Variants in POLA2 observed in about 807,000 individuals in gnomAD.
The protein encoded by POLA2 is DNA polymerase alpha subunit B.
Under a neutral mutation model 82.8 loss-of-function variants are expected in POLA2, and 47 were observed. The observed-to-expected ratio is 0.57, with a 90% confidence interval of 0.45 to 0.72. The LOEUF is 0.72. Ranked by LOEUF, POLA2 falls within the 30% of genes least tolerant of loss-of-function variation. The pLI, the probability that POLA2 is intolerant of heterozygous loss-of-function variation, is 0.00. For synonymous variants in POLA2, 287 were observed against 286.8 expected (o/e 1.00, Z -0.01); for missense variants, 634 against 728.1 (o/e 0.87, Z 1.49).
chr11:65,286,185 G>T (rs866373522), intron 10 of POLA2, among the ~76,000 whole-genome samples: 1 of 152,172 alleles, frequency 6.6e-6, no homozygotes, highest in Non-Finnish European at 1.5e-5. Flanking sequence ...GAAGCCTAAA[G>T]AAAAATTTTA....
chr11:65,296,122 C>T, intron 17 of POLA2, 132 bp downstream of exon 17: 2 of 946,136 alleles, frequency 2.1e-6, no homozygotes, highest in East Asian at 2.5e-5. Flanking sequence ...GCCCTGTGGC[C>T]TTGTTTCTTT....
At chr11:65,299,296 G>C (rs1279431541), downstream of POLA2, among the ~76,000 whole-genome samples, 2 of 152,182 alleles carry the variant, frequency 1.3e-5, no homozygotes, top group Non-Finnish European at 2.9e-5. Flanking sequence ...AAATAGTCCC[G>C]AGCTCTTGCC....
chr11:65,263,158 A>C (rs1949418185), intron 1 of POLA2, among the ~76,000 whole-genome samples: 1 of 151,642 alleles, frequency 6.6e-6, no homozygotes, highest in Non-Finnish European at 1.5e-5. Context: ...ATTTATGGTG[A>C]GAAATTCCTT....
chr11:65,263,747 A>G (rs1298845602), intron 1 of POLA2, among the ~76,000 whole-genome samples: 1 of 151,906 alleles, frequency 6.6e-6, no homozygotes, highest in East Asian at 2.0e-4. Flanking sequence ...GAATCGCTTG[A>G]ACATGAGAGG....
chr11:65,291,238 C>T (rs192582650), intron 13 of POLA2, among the ~76,000 whole-genome samples: 4 of 152,192 alleles, frequency 2.6e-5, no homozygotes, highest in Admixed American at 1.3e-4. Flanking sequence ...CATTTAAAAA[C>T]GAGTCTGTCA....
intron 16 of POLA2, 61 bp from the exon 17 acceptor site, chr11:65,295,801 ACT>A: frequency 6.4e-7 from 1 of 1,570,504 alleles, no homozygotes; most frequent in Non-Finnish European, 8.7e-7. Context: ...ACCTAGGGGG[ACT>A]CTGTCTGAGA....
Position 65,295,881 on chromosome 11 carries a change from C to A in POLA2, c.1538C>A (p.Pro513Gln). The change falls in exon 17 of 18, where the codon CCG becomes CAG. Residue 513 changes from proline (P) to glutamine (Q), a missense_variant. By Grantham distance (76) the Pro-to-Gln change is moderately conservative (BLOSUM62 -1). Transcript: ENST00000265465. ...LTQRSYYPLY[P>Q]PQEDMAIDYE... Reference sequence around the variant, plus strand: ...CTCTGTAGCTACTACCCACTCTACCCGCCCCAAGAAGACATGGCCATTGAC... The same window carrying A: ...CTCTGTAGCTACTACCCACTCTACCAGCCCCAAGAAGACATGGCCATTGAC... The A allele has an allele frequency of 6.2e-7, 1 of 1,613,296 alleles. No homozygotes were observed. Among genetic ancestry groups the A allele is most frequent in the Non-Finnish European group, 8.5e-7 (1 of 1,179,314 alleles).
chr11:65,277,988 G>T (rs954168216), intron 5 of POLA2, among the ~76,000 whole-genome samples: 1 of 152,288 alleles, frequency 6.6e-6, no homozygotes, highest in African/African-American at 2.4e-5. Flanking sequence ...ACTGGTTCCC[G>T]CAGAGTTTCA....
In POLA2 at chr11:65,262,243, G is replaced by A. The variant is rs914752537; in HGVS notation, c.-50G>A. ...CGCCACCCCCGTGGGCTTCTTGGGC[G>A]CAGGTCGGAGCTGGGTGGGCCGGCT... On this transcript the variant is annotated 5_prime_UTR_variant, in exon 1 of 18. Coordinates refer to ENST00000265465, the MANE Select transcript of POLA2 (RefSeq NM_002689.4). 1 of 1,482,186 alleles carries A rather than the reference G, an allele frequency of 6.7e-7. No individual in the cohort carries two copies. Among genetic ancestry groups the A allele is most frequent in the Non-Finnish European group, 9.3e-7 (1 of 1,070,992 alleles). The allele number at this position is 1,482,186 out of a possible 1,614,324, so 91.8% of individuals were successfully genotyped here.
At chr11:65,286,411 T>C (rs568377466) in intron 10 of POLA2, among the ~76,000 whole-genome samples, 11 of 151,866 alleles carry the variant, frequency 7.2e-5, no homozygotes, top group Non-Finnish European at 1.3e-4. Flanking sequence ...CTTTTTTTTT[T>C]CTTTTTTTTT....
At chr11:65,288,517 T>TG (rs1443915503) in intron 11 of POLA2, among the ~76,000 whole-genome samples, 8 of 148,170 alleles carry the variant, frequency 5.4e-5, no homozygotes, top group East Asian at 2.0e-4. Flanking sequence ...TTTTTGTTTT[T>TG]TTTTTTTTTT....
downstream of POLA2, among the ~76,000 whole-genome samples, chr11:65,300,768 G>A (rs1398026770): frequency 1.3e-5 from 2 of 152,256 alleles, no homozygotes; most frequent in Non-Finnish European, 1.5e-5. Flanking sequence ...TTTTAGTAGA[G>A]ACAGGGTTTC....
intron 13 of POLA2, among the ~76,000 whole-genome samples, chr11:65,291,618 A>C (rs929668027): frequency 6.6e-6 from 1 of 152,226 alleles, no homozygotes; most frequent in Non-Finnish European, 1.5e-5. Context: ...TTCTTTTGTC[A>C]GCCCTTGGGG....
At position 65,297,544 on chromosome 11, in the gene POLA2, C is replaced by T. The variant is rs189780475; in HGVS notation, c.*275C>T. The stretch of plus-strand genomic sequence containing the variant: ...GTGGATCCCGCCCACTCAGAAAAGG[C>T]GAGAAGGCTTTGTGATTTTCTACAT... On this transcript the variant is annotated 3_prime_UTR_variant, in exon 18 of 18. Coordinates refer to ENST00000265465, the MANE Select transcript of POLA2 (RefSeq NM_002689.4). 1.0e-3 allele frequency: 325 copies of T among 318,110 alleles called. 1 individual carries two copies. The highest frequency in any genetic ancestry group is 1.5e-3 in the Non-Finnish European group (266 of 174,980). The allele number at this position is 318,110 out of a possible 1,614,324, so 19.7% of individuals were successfully genotyped here.
intron 15 of POLA2, 39 bp downstream of exon 15, chr11:65,294,691 C>A: frequency 7.3e-7 from 1 of 1,372,192 alleles, no homozygotes; most frequent in Non-Finnish European, 1.0e-6. Flanking sequence ...GGATGACTGG[C>A]TTTCTGGTCC....
At chr11:65,262,413 C>G (rs779623216) in intron 1 of POLA2, 42 bp downstream of exon 1, 8 of 1,540,282 alleles carry the variant, frequency 5.2e-6, no homozygotes, top group Non-Finnish European at 7.1e-6. Flanking sequence ...GTGCTCCACG[C>G]TCTCGCCCGA....
chr11:65,301,692 G>A (rs1453322037), downstream of POLA2, among the ~76,000 whole-genome samples: 1 of 151,912 alleles, frequency 6.6e-6, no homozygotes, highest in Non-Finnish European at 1.5e-5. Context: ...AGGCAAAAGG[G>A]TGGGACTGGC....
intron 13 of POLA2, 125 bp downstream of exon 13, chr11:65,289,997 C>T: frequency 1.6e-6 from 1 of 624,896 alleles, no homozygotes; most frequent in Non-Finnish European, 2.9e-6. Context: ...ACCTGTAATC[C>T]CAGCACTTTG....
chr11:65,297,089 C>T (rs1396868940), intron 17 of POLA2, 31 bp from the exon 18 acceptor site: 1 of 1,613,028 alleles, frequency 6.2e-7, no homozygotes, highest in East Asian at 2.2e-5. Flanking sequence ...TTGAGGCTCT[C>T]CAAACCTGTC....
Sources: allele counts gnomAD v4.1 joint callset (sites outside exome capture counted in the v4.1 genomes callset), GRCh38; gene constraint gnomAD v4.1.1; transcripts MANE v1.5; gene names NCBI Gene and HGNC (gene_info 2026-07-23, HGNC 2026-07-21).